Variants in EFNA5 observed in about 807,000 individuals in gnomAD.
EFNA5 encodes ephrin A5.
A neutral mutation model predicts 22.9 loss-of-function variants in EFNA5; 5 were observed. That is an observed-to-expected ratio of 0.22 (90% CI 0.11 to 0.46). EFNA5 has a LOEUF of 0.46. Among genes scored for constraint, EFNA5 ranks in the 20% least tolerant of loss-of-function variants. The pLI is 0.99. For synonymous variants in EFNA5, 113 were observed against 112.2 expected (o/e 1.01, Z -0.04); for missense variants, 237 against 293.3 (o/e 0.81, Z 1.40).
At chr5:107,640,882 G>C (rs948268743) in intron 1 of EFNA5, among the ~76,000 whole-genome samples, 3 of 152,112 alleles carry the variant, frequency 2.0e-5, no homozygotes, top group African/African-American at 7.2e-5. Flanking sequence ...GACCTAGGGA[G>C]CCAGTGGGTA....
Position 107,658,072 on chromosome 5 carries a change from G to A in EFNA5, c.125+12417C>T, listed in dbSNP as rs903171863. ...AATCATAGAACTTTACAGAAAGAAC[G>A]CATTTTGTCCCAAGTCTTTTATAAC... is the stretch of plus-strand genomic sequence containing the variant. On this transcript the variant is annotated intron_variant, in intron 1 of 4. Transcript: ENST00000333274. 4.6e-5 allele frequency among the ~76,000 whole-genome samples: 7 copies of A among 152,196 alleles called. 1 individual carries two copies. Among genetic ancestry groups the A allele is most frequent in the Middle Eastern group, 6.8e-3 (2 of 294 alleles).
At chr5:107,557,269 G>A (rs1321675172) in intron 1 of EFNA5, among the ~76,000 whole-genome samples, 1 of 150,566 alleles carries the variant, frequency 6.6e-6, no homozygotes, top group Non-Finnish European at 1.5e-5. Context: ...GAGAAGGGGC[G>A]AGAGAGGGAA....
intron 1 of EFNA5, among the ~76,000 whole-genome samples, chr5:107,458,402 G>T (rs939844710): frequency 6.6e-6 from 1 of 151,962 alleles, no homozygotes; most frequent in African/African-American, 2.4e-5. Context: ...AGATGTAAAG[G>T]TGGGATCCCA....
intron 1 of EFNA5, among the ~76,000 whole-genome samples, chr5:107,639,522 A>G (rs1438516654): frequency 6.6e-6 from 1 of 152,232 alleles, no homozygotes. Flanking sequence ...ATGACTTTAC[A>G]TATGCACAGT....
intron 1 of EFNA5, among the ~76,000 whole-genome samples, chr5:107,500,239 C>A (rs191967662): frequency 2.0e-5 from 3 of 152,260 alleles, no homozygotes; most frequent in African/African-American, 7.2e-5. Context: ...TTATAATCTG[C>A]AATAAGGAAA....
At chr5:107,546,482 C>T (rs920258815) in intron 1 of EFNA5, among the ~76,000 whole-genome samples, 1 of 152,166 alleles carries the variant, frequency 6.6e-6, no homozygotes, top group Non-Finnish European at 1.5e-5. Context: ...ATATGTACTG[C>T]GTCCGAAGCA....
chr5:107,643,505 C>A (rs561983933), intron 1 of EFNA5, among the ~76,000 whole-genome samples: 81 of 152,244 alleles, frequency 5.3e-4, no homozygotes, highest in African/African-American at 1.9e-3. Flanking sequence ...CCAGACACAA[C>A]CATCTGGGCC....
At chr5:107,585,343 C>G (rs1749161781) in intron 1 of EFNA5, among the ~76,000 whole-genome samples, 1 of 152,158 alleles carries the variant, frequency 6.6e-6, no homozygotes, top group African/African-American at 2.4e-5. Flanking sequence ...ATCAAGGGCA[C>G]AAAGGAGTTT....
chr5:107,483,873 C>G (rs1268298363), intron 1 of EFNA5, among the ~76,000 whole-genome samples: 1 of 152,148 alleles, frequency 6.6e-6, no homozygotes, highest in Non-Finnish European at 1.5e-5. Flanking sequence ...ATGCTGCACA[C>G]AAATAACTAC....
chr5:107,480,752 G>C (rs27930), intron 1 of EFNA5, among the ~76,000 whole-genome samples: 1 of 152,010 alleles, frequency 6.6e-6, no homozygotes. Flanking sequence ...TGCAGTCAGC[G>C]GTCCCAGAAA....
chr5:107,615,804 CTTTT>C (rs1749900995), intron 1 of EFNA5, among the ~76,000 whole-genome samples: 1 of 152,134 alleles, frequency 6.6e-6, no homozygotes, highest in African/African-American at 2.4e-5. Flanking sequence ...GCTCGTCCAT[CTTTT>C]CTTCCCTCCA....
chr5:107,454,018 C>A (rs1387934198), intron 1 of EFNA5, among the ~76,000 whole-genome samples: 2 of 152,000 alleles, frequency 1.3e-5, no homozygotes, highest in Non-Finnish European at 2.9e-5. Context: ...TCAATATTAA[C>A]CCACTCTTAA....
chr5:107,451,169 C>G (rs781314770), intron 1 of EFNA5, among the ~76,000 whole-genome samples: 2 of 152,338 alleles, frequency 1.3e-5, no homozygotes, highest in Non-Finnish European at 2.9e-5. Context: ...ACAGGAATCT[C>G]AGCGTAGCTT....
At chr5:107,599,542 A>G (rs1371447974) in intron 1 of EFNA5, among the ~76,000 whole-genome samples, 1 of 152,226 alleles carries the variant, frequency 6.6e-6, no homozygotes, top group Admixed American at 6.5e-5. Flanking sequence ...ATCTTTTTCT[A>G]TCATGTTGCT....
chr5:107,508,268 C>G (rs559360538), intron 1 of EFNA5, among the ~76,000 whole-genome samples: 5 of 152,274 alleles, frequency 3.3e-5, no homozygotes, highest in African/African-American at 9.6e-5. Flanking sequence ...CATGCCAGTA[C>G]TTAAGTTAGA....
At chr5:107,515,600 A>G (rs1747459243) in intron 1 of EFNA5, among the ~76,000 whole-genome samples, 1 of 151,772 alleles carries the variant, frequency 6.6e-6, no homozygotes, top group South Asian at 2.1e-4. Flanking sequence ...CTGGTCTCGA[A>G]CTCTCAAACT....
At chr5:107,470,973 T>C (rs1750123508) in intron 1 of EFNA5, among the ~76,000 whole-genome samples, 1 of 152,212 alleles carries the variant, frequency 6.6e-6, no homozygotes, top group Non-Finnish European at 1.5e-5. Flanking sequence ...TCTTTCTTGA[T>C]ATCCTTCTCA....
At chr5:107,592,056 CAT>C (rs1300840088) in intron 1 of EFNA5, among the ~76,000 whole-genome samples, 10 of 76,896 alleles carry the variant, frequency 1.3e-4, no homozygotes, top group Non-Finnish European at 2.0e-4. Flanking sequence ...ATACATTAAA[CAT>C]ATATTTATAA....
At chr5:107,477,841 A>G (rs1287639845) in intron 1 of EFNA5, among the ~76,000 whole-genome samples, 3 of 152,134 alleles carry the variant, frequency 2.0e-5, no homozygotes, top group African/African-American at 7.2e-5. Flanking sequence ...AAATTATGCA[A>G]ATCAATATAC....
Sources: gnomAD v4.1 joint callset for allele counts (sites outside exome capture counted in the v4.1 genomes callset) on GRCh38, gnomAD v4.1.1 for gene constraint, MANE v1.5 for transcripts, NCBI Gene and HGNC (gene_info 2026-07-23, HGNC 2026-07-21) for gene names.